PCCA: variants seen among roughly 807,000 people sequenced by gnomAD.
PCCA encodes propionyl-CoA carboxylase alpha chain, mitochondrial.
PCCA carries 74 observed loss-of-function variants against 101.3 expected under a neutral mutation model. That is an observed-to-expected ratio of 0.73 (90% CI 0.61 to 0.89). PCCA has a LOEUF of 0.89. Among genes scored for constraint, PCCA ranks in the 40% least tolerant of loss-of-function variants. PCCA has a pLI of 0.00. For missense variants in PCCA, 891 were observed against 907.0 expected, an observed-to-expected ratio of 0.98 and a Z score of 0.23; for synonymous variants, 294 against 313.6, an observed-to-expected ratio of 0.94 and a Z score of 0.66.
chr13:100,323,975 G>C (rs1438603966), intron 16 of PCCA, among the ~76,000 whole-genome samples: 1 of 152,104 alleles, frequency 6.6e-6, no homozygotes, highest in Non-Finnish European at 1.5e-5. Flanking sequence ...TGCAAAAGTG[G>C]GGATTCTGTG....
chr13:100,483,858 G>A (rs2084151633), intron 21 of PCCA, among the ~76,000 whole-genome samples: 5 of 152,202 alleles, frequency 3.3e-5, no homozygotes, highest in Admixed American at 2.0e-4. Context: ...GTGTGATGGT[G>A]AAGTGATGGG....
chr13:100,525,770 G>A (rs1011101212), intron 22 of PCCA, among the ~76,000 whole-genome samples: 5 of 152,202 alleles, frequency 3.3e-5, no homozygotes, highest in African/African-American at 4.8e-5. Context: ...GCGGGGGGAC[G>A]GGGCTCTGGC....
In PCCA at chr13:100,233,985, C is replaced by A. The variant is rs190932959; in HGVS notation, c.601-1857C>A. Among the ~76,000 whole-genome samples, 344 of 152,066 alleles carry A rather than the reference C, an allele frequency of 2.3e-3. 3 individuals carry two copies. The highest frequency in any genetic ancestry group is 4.1e-3 in the Admixed American group (62 of 15,280). ...ATATGTCTAATGAATTTTTGAATTACCTTTTAAAACTTGCCTGTTAGTTCT... is the reference window on the plus strand; with the variant it reads ...ATATGTCTAATGAATTTTTGAATTAACTTTTAAAACTTGCCTGTTAGTTCT... On this transcript the variant is annotated intron_variant, in intron 7 of 23. Transcript: ENST00000376285.
chr13:100,455,843 G>T (rs1048965918), intron 21 of PCCA, among the ~76,000 whole-genome samples: 2 of 152,032 alleles, frequency 1.3e-5, no homozygotes, highest in Non-Finnish European at 2.9e-5. Flanking sequence ...GGGACTACAG[G>T]TGCATGCCAC....
At chr13:100,412,283 C>A (rs1824602954) in intron 19 of PCCA, among the ~76,000 whole-genome samples, 1 of 152,146 alleles carries the variant, frequency 6.6e-6, no homozygotes. Context: ...GGTCCTTGTA[C>A]TTGGGAATAA....
chr13:100,270,041 A>T (rs2063204171), intron 11 of PCCA, among the ~76,000 whole-genome samples: 1 of 152,188 alleles, frequency 6.6e-6, no homozygotes, highest in South Asian at 2.1e-4. Flanking sequence ...TCCTGTTCTC[A>T]TGGGATGCTT....
At chr13:100,515,097 T>G (rs2086733464) in intron 21 of PCCA, among the ~76,000 whole-genome samples, 1 of 152,200 alleles carries the variant, frequency 6.6e-6, no homozygotes. Flanking sequence ...TTGATAGGGA[T>G]AAGTTTGTAG....
chr13:100,286,521 G>A (rs1056315556), intron 12 of PCCA, among the ~76,000 whole-genome samples: 1 of 152,190 alleles, frequency 6.6e-6, no homozygotes, highest in Non-Finnish European at 1.5e-5. Context: ...GTTGCTTTAC[G>A]AGGAACTTAA....
At chr13:100,338,342 G>C (rs976105055) in intron 17 of PCCA, among the ~76,000 whole-genome samples, 1 of 152,030 alleles carries the variant, frequency 6.6e-6, no homozygotes, top group Non-Finnish European at 1.5e-5. Context: ...AATCCATTAC[G>C]TGTTGACATG....
At chr13:100,186,677 G>A (rs1183453443) in intron 6 of PCCA, among the ~76,000 whole-genome samples, 1 of 145,980 alleles carries the variant, frequency 6.9e-6, no homozygotes, top group Non-Finnish European at 1.5e-5. Flanking sequence ...GGAGGTGGAG[G>A]TTGCAGTGAG....
At chr13:100,507,784 G>A (rs899972237) in intron 21 of PCCA, among the ~76,000 whole-genome samples, 2 of 151,432 alleles carry the variant, frequency 1.3e-5, no homozygotes, top group African/African-American at 4.9e-5. Flanking sequence ...AGCCTCCCGA[G>A]CAGCTAGGAT....
At chr13:100,525,195 G>C (rs537153982) in intron 22 of PCCA, among the ~76,000 whole-genome samples, 1 of 152,156 alleles carries the variant, frequency 6.6e-6, no homozygotes, top group Non-Finnish European at 1.5e-5. Context: ...AGATGGGATC[G>C]CTTCAGTGGG....
chr13:100,467,606 A>C (rs9300604), intron 21 of PCCA, among the ~76,000 whole-genome samples: 1 of 152,076 alleles, frequency 6.6e-6, no homozygotes, highest in South Asian at 2.1e-4. Context: ...TCCTGACCTC[A>C]TGATCCACCC....
chr13:100,250,439 A>G (rs1200175054), intron 8 of PCCA, among the ~76,000 whole-genome samples: 3 of 152,086 alleles, frequency 2.0e-5, no homozygotes, highest in Admixed American at 6.5e-5. Context: ...TTCTTTTTAT[A>G]TATTATTGGA....
chr13:100,427,732 T>TAA (rs79186516), intron 20 of PCCA, among the ~76,000 whole-genome samples: 18 of 132,248 alleles, frequency 1.4e-4, no homozygotes, highest in African/African-American at 2.0e-4. Context: ...GTCGTTTACC[T>TAA]AAAAAAAAAA....
intron 12 of PCCA, among the ~76,000 whole-genome samples, chr13:100,293,002 T>G (rs151242457): frequency 2.0e-5 from 3 of 151,468 alleles, no homozygotes; most frequent in African/African-American, 7.3e-5. Flanking sequence ...GATGCTAGGT[T>G]TTTTTTTAGA....
intron 2 of PCCA, among the ~76,000 whole-genome samples, chr13:100,110,728 C>T (rs1266561472): frequency 6.6e-6 from 1 of 152,204 alleles, no homozygotes; most frequent in Non-Finnish European, 1.5e-5. Flanking sequence ...CCTTTGAAAA[C>T]AACTCATGAC....
At chr13:100,478,900 A>C (rs2083649854) in intron 21 of PCCA, among the ~76,000 whole-genome samples, 1 of 152,340 alleles carries the variant, frequency 6.6e-6, no homozygotes, top group East Asian at 1.9e-4. Flanking sequence ...GCCAAGAGAA[A>C]TGGAAGCTGA....
chr13:100,425,760 GCCT>G lies in PCCA; in HGVS notation c.1845+34_1845+36del, dbSNP rs764923066. 161 of 1,416,534 alleles carry G rather than the reference GCCT, an allele frequency of 1.1e-4. 2 individuals are homozygous for G. The highest frequency in any genetic ancestry group is 1.7e-5 in the Non-Finnish European group (17 of 1,000,782). 87.7% of individuals were successfully genotyped at this position (1,416,534 alleles called of 1,614,324 possible). A position where few individuals can be genotyped will look rare whatever the true frequency, so the allele number is the denominator to read the frequency against. On this transcript the variant is annotated intron_variant, in intron 20 of 23. Transcript: ENST00000376285. Reference sequence around the variant, plus strand: ...AGTGTTGTAAGGATTTCCTTAGAGGGCCTCCTCAAGTCCAGAATCCTTGTCAGC... The same window carrying G: ...AGTGTTGTAAGGATTTCCTTAGAGGGCCTCAAGTCCAGAATCCTTGTCAGC...
Sources: gnomAD v4.1 joint callset for allele counts (sites outside exome capture counted in the v4.1 genomes callset) on GRCh38, gnomAD v4.1.1 for gene constraint, MANE v1.5 for transcripts, NCBI Gene and HGNC (gene_info 2026-07-23, HGNC 2026-07-21) for gene names.